Variants in WASF1 observed in about 807,000 individuals in gnomAD.
The protein encoded by WASF1 is WASP family member 1.
WASF1 carries 7 observed loss-of-function variants against 50.5 expected under a neutral mutation model. The observed-to-expected ratio is 0.14, with a 90% CI of 0.08 to 0.26. WASF1 has a LOEUF of 0.26. Among genes scored for constraint, WASF1 ranks in the 10% least tolerant of loss-of-function variants. The pLI is 1.00. For synonymous variants in WASF1, 205 were observed against 244.0 expected, an observed-to-expected ratio of 0.84 and a Z score of 1.49; for missense variants, 470 against 694.7, an observed-to-expected ratio of 0.68 and a Z score of 3.64.
chr6:110,113,506 A>G (rs745362194), intron 4 of WASF1, 46 bp from the exon 5 acceptor site: 1 of 1,512,824 alleles, frequency 6.6e-7, no homozygotes, highest in Non-Finnish European at 8.9e-7. Flanking sequence ...CATCCAGAGC[A>G]CTGAGTTTTT....
intron 3 of WASF1, among the ~76,000 whole-genome samples, chr6:110,148,251 C>G (rs528751589): frequency 6.6e-6 from 1 of 151,894 alleles, no homozygotes. Flanking sequence ...ATTCATTCAT[C>G]TAACCAACCA....
chr6:110,152,423 G>C (rs1472668558), intron 3 of WASF1, among the ~76,000 whole-genome samples: 1 of 152,102 alleles, frequency 6.6e-6, no homozygotes, highest in Non-Finnish European at 1.5e-5. Context: ...TTTCATATAT[G>C]TCTGTATTAT....
chr6:110,102,004 G>A lies in WASF1; in HGVS notation c.1106C>T (p.Pro369Leu), dbSNP rs1325806662. 5.1e-6 allele frequency: 8 copies of A among 1,571,304 alleles called. No homozygotes were observed. Among genetic ancestry groups the A allele is most frequent in the Non-Finnish European group, 6.0e-6 (7 of 1,159,896 alleles). Residue 369 changes from proline to leucine, a missense_variant, in exon 10 of 11, where the codon CCA becomes CTA. By Grantham distance (98) the Pro-to-Leu change is moderately conservative (BLOSUM62 -3). Around this residue, in one of 3 missense-constraint regions of WASF1, gnomAD observed 294 missense variants for 343.5 expected, o/e 0.86. Coordinates refer to ENST00000392589, the MANE Select transcript of WASF1 (RefSeq NM_003931.3). ...PATALQAPAV[P>L]PPPAPLQIAP... Reference sequence around the variant, plus strand: ...AATCTGAAGAGGAGCTGGAGGTGGTGGTACTGCTGGAGCTTGCAAAGCAGT... The same window carrying A: ...AATCTGAAGAGGAGCTGGAGGTGGTAGTACTGCTGGAGCTTGCAAAGCAGT...
intron 2 of WASF1, among the ~76,000 whole-genome samples, chr6:110,161,225 C>CAG: frequency 6.6e-6 from 1 of 151,720 alleles, no homozygotes; most frequent in Admixed American, 6.6e-5. Context: ...TCACGATGTA[C>CAG]TGTTTAACTG....
chr6:110,145,745 T>A (rs528848395), intron 3 of WASF1, among the ~76,000 whole-genome samples: 1 of 152,144 alleles, frequency 6.6e-6, no homozygotes, highest in Admixed American at 6.5e-5. Context: ...TGGTTCTGTT[T>A]ATATGCTGGA....
chr6:110,122,836 T>C (rs1443566901), intron 4 of WASF1, among the ~76,000 whole-genome samples: 2 of 151,998 alleles, frequency 1.3e-5, no homozygotes, highest in Non-Finnish European at 2.9e-5. Flanking sequence ...GAGTCAAAAG[T>C]TATATGCAAA....
At chr6:110,174,303 T>C (rs1170463837) in intron 2 of WASF1, among the ~76,000 whole-genome samples, 1 of 152,132 alleles carries the variant, frequency 6.6e-6, no homozygotes, top group African/African-American at 2.4e-5. Context: ...TACAAATGTA[T>C]TTGTTCAACA....
At position 110,117,807 on chromosome 6, in the gene WASF1, C is replaced by T. The variant is rs540355722; in HGVS notation, c.134-4347G>A. On this transcript the variant is annotated intron_variant, in intron 4 of 10. Coordinates refer to ENST00000392589, the MANE Select transcript of WASF1 (RefSeq NM_003931.3). Reference sequence around the variant, plus strand: ...AAAGGGAAGCCCATCAGACTAACAGCGGATCTCTCGGCAGAAACCCTACAA... The same window carrying T: ...AAAGGGAAGCCCATCAGACTAACAGTGGATCTCTCGGCAGAAACCCTACAA... 3.5e-3 allele frequency among the ~76,000 whole-genome samples: 540 copies of T among 152,160 alleles called. 2 individuals are homozygous for T. Among genetic ancestry groups the T allele is most frequent in the Middle Eastern group, 0.02 (6 of 294 alleles).
intron 7 of WASF1, among the ~76,000 whole-genome samples, chr6:110,105,799 TTGAACTGA>T (rs1773297429): frequency 6.6e-6 from 1 of 152,174 alleles, no homozygotes; most frequent in Non-Finnish European, 1.5e-5. Flanking sequence ...AACCCCTAAT[TTGAACTGA>T]TGCACCAGAC....
At chr6:110,158,734 A>G (rs1368969071) in intron 3 of WASF1, among the ~76,000 whole-genome samples, 1 of 151,932 alleles carries the variant, frequency 6.6e-6, no homozygotes, top group African/African-American at 2.4e-5. Context: ...TTAAAAAAAG[A>G]TATGATTCAT....
At chr6:110,172,480 T>G (rs1776760997) in intron 2 of WASF1, among the ~76,000 whole-genome samples, 1 of 152,066 alleles carries the variant, frequency 6.6e-6, no homozygotes, top group Non-Finnish European at 1.5e-5. Flanking sequence ...GGGCTTTTAT[T>G]TTGGTTTAAA....
At chr6:110,126,601 T>C (rs1209739417) in intron 4 of WASF1, among the ~76,000 whole-genome samples, 1 of 152,224 alleles carries the variant, frequency 6.6e-6, no homozygotes, top group Non-Finnish European at 1.5e-5. Context: ...GGAGAATTTA[T>C]ATGGCTGATG....
intron 3 of WASF1, among the ~76,000 whole-genome samples, chr6:110,130,609 A>G (rs575961002): frequency 3.6e-4 from 55 of 152,308 alleles, no homozygotes; most frequent in African/African-American, 1.3e-3. Context: ...CAATTTATTT[A>G]CCCATTCTAA....
At chr6:110,168,977 G>A (rs1776585019) in intron 2 of WASF1, among the ~76,000 whole-genome samples, 1 of 151,874 alleles carries the variant, frequency 6.6e-6, no homozygotes, top group African/African-American at 2.4e-5. Context: ...CAGAGATCTG[G>A]CCAGACCACA....
chr6:110,135,977 G>A (rs192051576), intron 3 of WASF1, among the ~76,000 whole-genome samples: 1,486 of 143,990 alleles, frequency 0.01, 11 homozygotes, highest in Middle Eastern at 0.02. Context: ...TCCGCCTCCC[G>A]GGTTCATGCC....
chr6:110,106,677 C>G (rs1773338371), intron 7 of WASF1, among the ~76,000 whole-genome samples: 1 of 152,176 alleles, frequency 6.6e-6, no homozygotes, highest in African/African-American at 2.4e-5. Context: ...CTAGCTTAAT[C>G]TACGTTACCA....
chr6:110,110,519 A>AT (rs2114470019), intron 5 of WASF1, among the ~76,000 whole-genome samples: 1 of 152,312 alleles, frequency 6.6e-6, no homozygotes, highest in East Asian at 1.9e-4. Flanking sequence ...ATGTAAACTA[A>AT]TAAGCATGAT....
chr6:110,105,672 C>A (rs745849688), intron 7 of WASF1, 93 bp from the exon 8 acceptor site: 20 of 1,162,504 alleles, frequency 1.7e-5, no homozygotes, highest in African/African-American at 3.1e-5. Flanking sequence ...AACATCAACA[C>A]TGAAAAAGAC....
chr6:110,174,827 A>G lies in WASF1; in HGVS notation c.-127+3771T>C, dbSNP rs1318414508. 2.6e-5 allele frequency among the ~76,000 whole-genome samples: 4 copies of G among 152,294 alleles called. No homozygotes were observed. In the East Asian group the frequency reaches 7.7e-4, roughly 29 times the overall value. Reference sequence around the variant, plus strand: ...TGCATATGACAAAAATAGCTGTTTCATGACCTCTTCCCTCACAGCACCCTG... The same window carrying G: ...TGCATATGACAAAAATAGCTGTTTCGTGACCTCTTCCCTCACAGCACCCTG... On this transcript the variant is annotated intron_variant, in intron 2 of 10. Coordinates refer to ENST00000392589, the MANE Select transcript of WASF1 (RefSeq NM_003931.3).
Sources: gnomAD v4.1 joint callset for allele counts (sites outside exome capture counted in the v4.1 genomes callset) on GRCh38, gnomAD v4.1.1 for gene constraint, gnomAD v4.1.1 regional missense constraint, MANE v1.5 for transcripts, NCBI Gene and HGNC (gene_info 2026-07-23, HGNC 2026-07-21) for gene names.